PEAK1: variants seen among roughly 807,000 people sequenced by gnomAD.
PEAK1 encodes the protein inactive tyrosine-protein kinase PEAK1.
PEAK1 carries 54 observed loss-of-function variants against 124.7 expected under a neutral mutation model. The observed-to-expected ratio is 0.43, with a 90% CI of 0.35 to 0.54. The LOEUF is 0.54. Among genes scored for constraint, PEAK1 ranks in the 20% least tolerant of loss-of-function variants. The probability of loss-of-function intolerance (pLI) is 0.01; values close to 1 mark genes in which losing one functional copy is unlikely to be tolerated. For missense variants in PEAK1, 2,046 were observed against 2,134.5 expected (o/e 0.96, Z 0.82); for synonymous variants, 719 against 760.0 (o/e 0.95, Z 0.89).
At chr15:77,392,777 C>T (rs184629057) in intron 1 of PEAK1, among the ~76,000 whole-genome samples, 1 of 152,242 alleles carries the variant, frequency 6.6e-6, no homozygotes, top group Admixed American at 6.5e-5. Context: ...GCAGGAACAC[C>T]AAATTGAACA....
chr15:77,300,314 T>C (rs770507405), intron 2 of PEAK1, among the ~76,000 whole-genome samples: 1 of 152,220 alleles, frequency 6.6e-6, no homozygotes, highest in Non-Finnish European at 1.5e-5. Flanking sequence ...CTACAGGATG[T>C]TTGAGGAAGA....
intron 8 of PEAK1, among the ~76,000 whole-genome samples, chr15:77,154,377 G>A (rs1241321281): frequency 6.6e-6 from 1 of 152,042 alleles, no homozygotes; most frequent in Non-Finnish European, 1.5e-5. Flanking sequence ...GCCTATGTGT[G>A]TCTCTGCATG....
chr15:77,205,093 C>A, intron 6 of PEAK1: 1 of 238,152 alleles, frequency 4.2e-6, no homozygotes, highest in South Asian at 5.2e-5. Flanking sequence ...GAAGCCAAGT[C>A]TGATTAATAT....
intron 1 of PEAK1, chr15:77,403,615 C>G: frequency 1.1e-6 from 1 of 918,220 alleles, no homozygotes; most frequent in Non-Finnish European, 1.3e-6. Context: ...TATATCATAC[C>G]CTATACTAAG....
intron 7 of PEAK1, among the ~76,000 whole-genome samples, chr15:77,174,367 G>T (rs2056710440): frequency 1.3e-5 from 2 of 151,820 alleles, no homozygotes; most frequent in Admixed American, 1.3e-4. Context: ...ATTTCTTTCA[G>T]CAGTGAGCTC....
chr15:77,290,396 G>A (rs2063153323), intron 2 of PEAK1, among the ~76,000 whole-genome samples: 1 of 152,150 alleles, frequency 6.6e-6, no homozygotes, highest in East Asian at 1.9e-4. Context: ...TGGGATTACA[G>A]GCATGAGCCA....
At chr15:77,246,156 G>A (rs1054001204) in intron 6 of PEAK1, among the ~76,000 whole-genome samples, 9 of 151,796 alleles carry the variant, frequency 5.9e-5, no homozygotes, top group Non-Finnish European at 7.4e-5. Context: ...CTACAGGCGC[G>A]TGCCACCATT....
chr15:77,384,551 T>C (rs1597538762), intron 1 of PEAK1, among the ~76,000 whole-genome samples: 3 of 152,342 alleles, frequency 2.0e-5, no homozygotes, highest in East Asian at 1.9e-4. Context: ...CTATTAAGCA[T>C]ACATTAAGAG....
chr15:77,179,559 C>T lies in PEAK1; in HGVS notation c.2368G>A (p.Ala790Thr), dbSNP rs762505091. 2.5e-6 allele frequency: 4 copies of T among 1,614,102 alleles called. No homozygotes were observed. The highest frequency in any genetic ancestry group is 3.4e-6 in the Non-Finnish European group (4 of 1,180,012). ...PPETPQSGPK[A>T]CSVEELYAIP... ...GCATAAAGCTCTTCCACACTGCAAG[C>T]TTTAGGGCCAGATTGAGGTGTTTCT... The change falls in exon 7 of 10, where the codon GCT (alanine) becomes ACT (threonine). Residue 790 changes from alanine to threonine, a missense_variant. Physicochemically the swap from Ala to Thr is moderately conservative, Grantham distance 58. Coordinates refer to ENST00000682557, the MANE Select transcript of PEAK1 (RefSeq NM_001385026.1).
intron 1 of PEAK1, among the ~76,000 whole-genome samples, chr15:77,372,195 T>C (rs535146570): frequency 6.6e-6 from 1 of 152,352 alleles, no homozygotes; most frequent in East Asian, 1.9e-4. Flanking sequence ...CTGTTGTCGA[T>C]TTGCTATATT....
At chr15:77,413,832 T>C (rs2072610704) in intron 1 of PEAK1, among the ~76,000 whole-genome samples, 1 of 152,162 alleles carries the variant, frequency 6.6e-6, no homozygotes, top group Non-Finnish European at 1.5e-5. Flanking sequence ...GTTTTTCTGT[T>C]TGTTTCTTTG....
chr15:77,226,053 ATAT>A (rs568468930), intron 6 of PEAK1, among the ~76,000 whole-genome samples: 2,949 of 84,860 alleles, frequency 0.035, 142 homozygotes, highest in Middle Eastern at 0.1. Flanking sequence ...GGATATATAT[ATAT>A]ATATATATAT....
At chr15:77,332,138 AT>A in intron 2 of PEAK1, 1 of 909,556 alleles carries the variant, frequency 1.1e-6, no homozygotes. Context: ...AAATATAAAA[AT>A]AAATTTAAAA....
intron 1 of PEAK1, chr15:77,381,478 G>C (rs915654673): frequency 8.3e-6 from 8 of 965,608 alleles, no homozygotes; most frequent in African/African-American, 3.5e-5. Context: ...TCTAAGAACA[G>C]TAAAGAAGAA....
At chr15:77,232,134 A>C (rs1181877756) in intron 6 of PEAK1, among the ~76,000 whole-genome samples, 1 of 152,194 alleles carries the variant, frequency 6.6e-6, no homozygotes, top group Non-Finnish European at 1.5e-5. Flanking sequence ...CATTGCCCTT[A>C]TCATTTTAAT....
intron 2 of PEAK1, among the ~76,000 whole-genome samples, chr15:77,288,124 T>C (rs1296388566): frequency 6.6e-6 from 1 of 152,116 alleles, no homozygotes; most frequent in African/African-American, 2.4e-5. Flanking sequence ...CAAACCCTCA[T>C]TATGCCAAAC....
intron 1 of PEAK1, among the ~76,000 whole-genome samples, chr15:77,406,046 T>C (rs1041076867): frequency 2.6e-5 from 4 of 152,290 alleles, no homozygotes; most frequent in African/African-American, 9.6e-5. Flanking sequence ...AAATTTGCTG[T>C]TATGCTGCAT....
intron 2 of PEAK1, among the ~76,000 whole-genome samples, chr15:77,344,196 G>A (rs755417723): frequency 1.7e-4 from 26 of 152,084 alleles, no homozygotes; most frequent in African/African-American, 5.6e-4. Flanking sequence ...CCGGGTTCAC[G>A]CCATTCTCCT....
rs76849061 is a variant in PEAK1 at position 77,149,539 on chromosome 15, C to T, written c.3331+8964G>A. Among the ~76,000 whole-genome samples, 652 of 152,072 alleles carry T rather than the reference C, an allele frequency of 4.3e-3. 1 individual carries two copies. The highest frequency in any genetic ancestry group is 0.013 in the African/African-American group (556 of 41,478). ...AACTGCATGCAAATGACTTGTTGAA[C>T]GTATTAAAAAAGGAAATTTCCAAAT... is the stretch of plus-strand genomic sequence containing the variant. On this transcript the variant is annotated intron_variant, in intron 8 of 9. Coordinates refer to ENST00000682557, the MANE Select transcript of PEAK1 (RefSeq NM_001385026.1).
Sources: gnomAD v4.1 joint callset for allele counts (sites outside exome capture counted in the v4.1 genomes callset) on GRCh38, gnomAD v4.1.1 for gene constraint, MANE v1.5 for transcripts, NCBI Gene and HGNC (gene_info 2026-07-23, HGNC 2026-07-21) for gene names.